The following OSBPL2 variants were observed in gnomAD, a reference collection of about 807,000 sequenced individuals.
The protein encoded by OSBPL2 is oxysterol binding protein like 2.
OSBPL2 carries 18 observed loss-of-function variants against 58.4 expected under a neutral mutation model. The observed-to-expected ratio is 0.31, with a 90% CI of 0.21 to 0.46. OSBPL2 has a LOEUF of 0.46. Among genes scored for constraint, OSBPL2 ranks in the 20% least tolerant of loss-of-function variants. The pLI is 1.00. For synonymous variants in OSBPL2, 221 were observed against 234.1 expected, an observed-to-expected ratio of 0.94 and a Z score of 0.51; for missense variants, 461 against 616.5, an observed-to-expected ratio of 0.75 and a Z score of 2.67.
rs1983247604 is a variant in OSBPL2, at chr20:62,288,080, G to A, written c.1126-1127G>A. 6.6e-6 allele frequency among the ~76,000 whole-genome samples: 1 copy of A among 152,214 alleles called. No homozygotes were observed. Among genetic ancestry groups the A allele is most frequent in the African/African-American group, 2.4e-5 (1 of 41,444 alleles). On this transcript the variant is annotated intron_variant, in intron 11 of 13. Transcript: ENST00000313733. This position sits in a 1 kb window ranked among gnomAD's most constrained non-coding sequence, Gnocchi z 4.8. ...TGCGTTTGGGCGGAGGGGACAGTCAGGGCAGAGACCCCTGGAGTAGACTAG... is the reference window on the plus strand; with the variant it reads ...TGCGTTTGGGCGGAGGGGACAGTCAAGGCAGAGACCCCTGGAGTAGACTAG...
chr20:62,239,357 G>GT (rs766246589), intron 1 of OSBPL2, among the ~76,000 whole-genome samples: 92 of 152,240 alleles, frequency 6.0e-4, no homozygotes, highest in Non-Finnish European at 1.1e-3. Context: ...GACTTTCCAA[G>GT]TTTATAAGCC....
At chr20:62,279,938 G>A (rs75562186) in intron 7 of OSBPL2, 86,906 of 1,302,174 alleles carry the variant, frequency 0.067, 4,409 homozygotes, top group African/African-American at 0.2. Context: ...TTGAAACAGC[G>A]TGGGAGGGGA....
chr20:62,263,589 C>T, intron 3 of OSBPL2, 27 bp from the exon 4 acceptor site: 4 of 1,595,078 alleles, frequency 2.5e-6, no homozygotes, highest in Non-Finnish European at 2.6e-6. Context: ...TGAATTCACC[C>T]ACACGCACCC....
At chr20:62,278,435 G>T (rs1233092588) in intron 6 of OSBPL2, 1 of 170,430 alleles carries the variant, frequency 5.9e-6, no homozygotes, top group South Asian at 8.7e-5. Flanking sequence ...TGTTGCCAAC[G>T]TTAGGCCAAG....
chr20:62,283,140 T>C (rs994360878), intron 9 of OSBPL2, among the ~76,000 whole-genome samples: 1 of 152,202 alleles, frequency 6.6e-6, no homozygotes, highest in African/African-American at 2.4e-5. Flanking sequence ...AAAACATGTT[T>C]TTCCAGAACC....
In OSBPL2 at chr20:62,279,206, C is replaced by T; in HGVS notation, c.541C>T (p.Pro181Ser). 1.2e-6 allele frequency: 2 copies of T among 1,614,216 alleles called. No homozygotes were observed. The highest frequency in any genetic ancestry group is 1.7e-6 in the Non-Finnish European group (2 of 1,180,028). Reference protein sequence around the residue: ...FISEQVSHHPPISAFHSEGLN... With the variant: ...FISEQVSHHPSISAFHSEGLN... ...ATCGGAACAGGTCAGTCACCACCCC[C>T]CCATCAGTGCGTTCCACTCGGAAGG... is the stretch of plus-strand genomic sequence containing the variant. The change falls in exon 7 of 14, where the codon CCC becomes TCC. Residue 181 changes from proline (P) to serine (S), a missense_variant. Physicochemically the swap from Pro to Ser is moderately conservative, Grantham distance 74 (BLOSUM62 -1). Around this residue, in one of 5 missense-constraint regions of OSBPL2, gnomAD observed 319 missense variants for 419.2 expected, o/e 0.76. Transcript: ENST00000313733.
intron 1 of OSBPL2, among the ~76,000 whole-genome samples, chr20:62,253,732 G>A (rs140883291): frequency 4.2e-4 from 61 of 146,294 alleles, no homozygotes; most frequent in African/African-American, 1.4e-3. Flanking sequence ...GAGAAGGAGG[G>A]GGAGGCAAAG....
intron 3 of OSBPL2, among the ~76,000 whole-genome samples, chr20:62,262,110 C>T (rs1568835335): frequency 1.3e-5 from 2 of 150,758 alleles, no homozygotes; most frequent in Admixed American, 6.6e-5. Context: ...TCACCCTCTG[C>T]CTAAAACTCA....
In OSBPL2 at chr20:62,272,152, G is replaced by A. The variant is rs767354660; in HGVS notation, c.286G>A (p.Ala96Thr). ...LELSKITMPI[A>T]FNEPLSFLQR... ...GCTGTCCAAGATCACGATGCCAATC[G>A]CCTTCAACGAGCCTCTGAGCTTCTT... The change falls in exon 5 of 14, where the codon GCC (alanine) becomes ACC (threonine). Residue 96 changes from alanine to threonine, a missense_variant. Physicochemically the swap from Ala to Thr is moderately conservative, Grantham distance 58. This residue lies in a region of OSBPL2 where 38 missense variants were observed against 74.2 expected (regional missense o/e 0.51). Transcript: ENST00000313733. 10 of 1,613,654 alleles carry A rather than the reference G, an allele frequency of 6.2e-6. No homozygotes were observed. The highest frequency in any genetic ancestry group is 3.3e-5 in the South Asian group (3 of 91,084).
chr20:62,261,693 C>T (rs1229139159), intron 3 of OSBPL2, among the ~76,000 whole-genome samples: 1 of 152,252 alleles, frequency 6.6e-6, no homozygotes, highest in African/African-American at 2.4e-5. Context: ...TCTACCCAAC[C>T]ACCCTTGTTT....
chr20:62,281,084 A>C lies in OSBPL2; in HGVS notation c.701A>C (p.Asn234Thr). 6.2e-7 allele frequency: 1 copy of C among 1,613,984 alleles called. No individual in the cohort carries two copies. The highest frequency in any genetic ancestry group is 8.5e-7 in the Non-Finnish European group (1 of 1,179,950). Residue 234 changes from asparagine to threonine, a missense_variant, in exon 8 of 14, where the codon AAC (asparagine) becomes ACC (threonine). Coordinates refer to ENST00000313733, the MANE Select transcript of OSBPL2 (RefSeq NM_144498.4). ...LKHNEAYTWT[N>T]PTCCVHNVII... The stretch of plus-strand genomic sequence containing the variant: ...CATAATGAAGCCTACACCTGGACCA[A>C]CCCCACCTGCTGCGTCCACAACGTC...
intron 1 of OSBPL2, among the ~76,000 whole-genome samples, chr20:62,247,964 C>T (rs1980247733): frequency 6.6e-6 from 1 of 151,858 alleles, no homozygotes; most frequent in African/African-American, 2.4e-5. Flanking sequence ...CGCCCGGCCC[C>T]TTAGGGTCCT....
At chr20:62,281,562 G>A (rs999789059) in intron 8 of OSBPL2, 47 of 531,374 alleles carry the variant, frequency 8.8e-5, no homozygotes, top group African/African-American at 6.4e-4. Context: ...CATAAGACTC[G>A]CCCATTCTGA....
chr20:62,260,237 A>C (rs1427866018), intron 3 of OSBPL2, 112 bp downstream of exon 3: 2 of 1,022,354 alleles, frequency 2.0e-6, no homozygotes, highest in African/African-American at 1.6e-5. Flanking sequence ...GCACCCCCAC[A>C]GCTGTCTGGC....
chr20:62,250,792 G>T (rs919290810), intron 1 of OSBPL2, among the ~76,000 whole-genome samples: 3 of 152,096 alleles, frequency 2.0e-5, no homozygotes, highest in Non-Finnish European at 4.4e-5. Context: ...GGGTATGATG[G>T]TGTACGCCTG....
intron 13 of OSBPL2, 113 bp downstream of exon 13, chr20:62,291,906 A>G: frequency 1.2e-6 from 1 of 852,146 alleles, no homozygotes; most frequent in Non-Finnish European, 1.9e-6. Flanking sequence ...CCCCACACAC[A>G]CCTGGGGACG....
intron 4 of OSBPL2, among the ~76,000 whole-genome samples, chr20:62,264,025 A>G (rs1455960359): frequency 6.7e-6 from 1 of 149,582 alleles, no homozygotes; most frequent in Non-Finnish European, 1.5e-5. Context: ...AGATCGTGCC[A>G]TTGCACTCCA....
At chr20:62,281,405 T>TGCTGAAGA in intron 8 of OSBPL2, 1 of 542,076 alleles carries the variant, frequency 1.8e-6, no homozygotes, top group Non-Finnish European at 3.3e-6. Context: ...CTTTGAGCTA[T>TGCTGAAGA]GCTGAAGAGC....
chr20:62,239,901 G>A (rs1169913754), intron 1 of OSBPL2, among the ~76,000 whole-genome samples: 1 of 152,198 alleles, frequency 6.6e-6, no homozygotes, highest in Non-Finnish European at 1.5e-5. Flanking sequence ...TGCCCAGGCT[G>A]GAGTGCAGTG....
Sources: allele counts gnomAD v4.1 joint callset (sites outside exome capture counted in the v4.1 genomes callset), GRCh38; gene constraint gnomAD v4.1.1; regional missense constraint gnomAD v4.1.1; non-coding constraint Gnocchi (gnomAD v3.1); transcripts MANE v1.5; gene names NCBI Gene and HGNC (gene_info 2026-07-23, HGNC 2026-07-21).